UBE2H: variants seen among roughly 807,000 people sequenced by gnomAD.
The protein encoded by UBE2H is ubiquitin conjugating enzyme E2 H.
Under a neutral mutation model 29.0 loss-of-function variants are expected in UBE2H, and 3 were observed. The observed-to-expected ratio is 0.10, with a 90% CI of 0.05 to 0.27. The LOEUF is 0.27. Ranked by LOEUF, UBE2H falls within the 10% of genes least tolerant of loss-of-function variation. The pLI, the probability that UBE2H is intolerant of heterozygous loss-of-function variation, is 1.00. For synonymous variants in UBE2H, 69 were observed against 82.9 expected, an observed-to-expected ratio of 0.83 and a Z score of 0.91; for missense variants, 68 against 228.2, an observed-to-expected ratio of 0.30 and a Z score of 4.52.
chr7:129,915,932 T>C (rs1182161862), intron 1 of UBE2H, among the ~76,000 whole-genome samples: 1 of 152,236 alleles, frequency 6.6e-6, no homozygotes, highest in Non-Finnish European at 1.5e-5. Flanking sequence ...AGACAATCTA[T>C]AATTTAAAAA....
intron 1 of UBE2H, among the ~76,000 whole-genome samples, chr7:129,907,719 A>G (rs1806849414): frequency 6.6e-6 from 1 of 151,462 alleles, no homozygotes; most frequent in South Asian, 2.1e-4. Context: ...CGAGGTATAC[A>G]TGTGTCAAAA....
intron 1 of UBE2H, among the ~76,000 whole-genome samples, chr7:129,951,687 G>C (rs1012742325): frequency 2.0e-5 from 3 of 152,186 alleles, no homozygotes; most frequent in African/African-American, 7.2e-5. Flanking sequence ...CGACATCAGG[G>C]CAAGTATTCC....
chr7:129,935,621 G>C (rs1467897753), intron 1 of UBE2H, among the ~76,000 whole-genome samples: 2 of 152,064 alleles, frequency 1.3e-5, no homozygotes, highest in African/African-American at 2.4e-5. Flanking sequence ...CTAATCTATT[G>C]TTGTAGAGAG....
intron 1 of UBE2H, among the ~76,000 whole-genome samples, chr7:129,907,317 G>A (rs1806838881): frequency 6.6e-6 from 1 of 151,986 alleles, no homozygotes; most frequent in South Asian, 2.1e-4. Context: ...GAAGTAATCA[G>A]TAAAGCCTGG....
At chr7:129,937,277 C>A (rs1456291566) in intron 1 of UBE2H, among the ~76,000 whole-genome samples, 3 of 151,482 alleles carry the variant, frequency 2.0e-5, no homozygotes, top group African/African-American at 7.3e-5. Context: ...TGCAGTGAGC[C>A]GAGATCACAC....
chr7:129,924,459 G>T (rs1249577074), intron 1 of UBE2H, among the ~76,000 whole-genome samples: 2 of 152,104 alleles, frequency 1.3e-5, no homozygotes, highest in Non-Finnish European at 2.9e-5. Flanking sequence ...TACCAAGAAG[G>T]TAATAAATTG....
chr7:129,881,073 G>T, intron 1 of UBE2H, 102 bp from the exon 2 acceptor site: 1 of 922,860 alleles, frequency 1.1e-6, no homozygotes, highest in Non-Finnish European at 1.6e-6. Flanking sequence ...CCAAAATTTG[G>T]CATGACATTG....
chr7:129,948,496 G>C (rs944474816), intron 1 of UBE2H, among the ~76,000 whole-genome samples: 13 of 152,136 alleles, frequency 8.5e-5, no homozygotes, highest in Non-Finnish European at 1.8e-4. Context: ...CCCTGCAAAT[G>C]AGTCAGTTAA....
At chr7:129,944,356 A>C (rs934853060) in intron 1 of UBE2H, among the ~76,000 whole-genome samples, 3 of 116,228 alleles carry the variant, frequency 2.6e-5, no homozygotes, top group Non-Finnish European at 6.2e-5. Flanking sequence ...ACTCCGTCTC[A>C]AAACAAAACA....
chr7:129,936,709 C>G (rs530930442), intron 1 of UBE2H, among the ~76,000 whole-genome samples: 1 of 150,384 alleles, frequency 6.6e-6, no homozygotes, highest in Admixed American at 6.7e-5. Context: ...GTAATCCTAG[C>G]ACTTTGGGAG....
At chr7:129,948,948 T>C (rs1191044929) in intron 1 of UBE2H, 3 of 456,030 alleles carry the variant, frequency 6.6e-6, no homozygotes, top group South Asian at 1.6e-5. Context: ...ACACACTCTC[T>C]TGTCACATAC....
At chr7:129,934,973 A>G (rs1807494793) in intron 1 of UBE2H, among the ~76,000 whole-genome samples, 1 of 150,980 alleles carries the variant, frequency 6.6e-6, no homozygotes, top group African/African-American at 2.4e-5. Context: ...ATATGTGTAT[A>G]TATGTGTGTG....
intron 3 of UBE2H, among the ~76,000 whole-genome samples, chr7:129,861,041 G>A (rs376803496): frequency 6.6e-6 from 1 of 152,150 alleles, no homozygotes; most frequent in East Asian, 1.9e-4. Flanking sequence ...GGCCAACATG[G>A]TGAAACCCTG....
Position 129,952,722 on chromosome 7 carries a change from C to A in UBE2H, c.-167G>T. 7.3e-6 allele frequency: 5 copies of A among 684,602 alleles called. No individual in the cohort carries two copies. Among genetic ancestry groups the A allele is most frequent in the Non-Finnish European group, 1.1e-5 (5 of 473,468 alleles). 42.4% of individuals were successfully genotyped at this position (684,602 alleles called of 1,614,324 possible). A position where few individuals can be genotyped will look rare whatever the true frequency, so the allele number is the denominator to read the frequency against. On this transcript the variant is annotated 5_prime_UTR_variant, in exon 1 of 7. Transcript: ENST00000355621. ...CGCCGCCCCCCGCACGGGGGAACAC[C>A]GGGCACTGTCCGGCCGGGTGGGGGT...
chr7:129,846,691 C>A (rs1805517600), intron 5 of UBE2H, among the ~76,000 whole-genome samples: 1 of 152,132 alleles, frequency 6.6e-6, no homozygotes, highest in Non-Finnish European at 1.5e-5. Context: ...ATTTTGGAGA[C>A]TTTTACCTAA....
At chr7:129,879,122 C>A (rs191150310) in intron 3 of UBE2H, among the ~76,000 whole-genome samples, 2 of 152,268 alleles carry the variant, frequency 1.3e-5, no homozygotes, top group African/African-American at 4.8e-5. Flanking sequence ...TGCAAAGGGT[C>A]ATTTAATTGT....
intron 1 of UBE2H, among the ~76,000 whole-genome samples, chr7:129,948,296 C>T (rs1387254956): frequency 3.9e-5 from 6 of 152,146 alleles, no homozygotes; most frequent in Admixed American, 2.0e-4. Flanking sequence ...GCTGGGATTA[C>T]AGGTGTGAGC....
intron 1 of UBE2H, among the ~76,000 whole-genome samples, chr7:129,925,655 C>T (rs1041015561): frequency 6.6e-6 from 1 of 152,186 alleles, no homozygotes; most frequent in African/African-American, 2.4e-5. Context: ...ATGATCAGGG[C>T]AATGTGTAGG....
At chr7:129,952,148 A>G (rs948023870) in intron 1 of UBE2H, among the ~76,000 whole-genome samples, 2 of 151,906 alleles carry the variant, frequency 1.3e-5, no homozygotes, top group Non-Finnish European at 2.9e-5. Flanking sequence ...GCGAGCAAAC[A>G]GGAGAGAGAA....
Sources: gnomAD v4.1 joint callset for allele counts (sites outside exome capture counted in the v4.1 genomes callset) on GRCh38, gnomAD v4.1.1 for gene constraint, MANE v1.5 for transcripts, NCBI Gene and HGNC (gene_info 2026-07-23, HGNC 2026-07-21) for gene names.